Variants in LIN7A observed in about 807,000 individuals in gnomAD.
LIN7A encodes the protein protein lin-7 homolog A.
A neutral mutation model predicts 29.8 loss-of-function variants in LIN7A; 25 were observed. The ratio of observed to expected loss-of-function variants is 0.84; its 90% CI spans 0.61 to 1.17. LIN7A has a LOEUF of 1.17. LIN7A is among the 50% of genes most tolerant of loss of function. The pLI is 0.00. For missense variants in LIN7A, 239 were observed against 287.0 expected (o/e 0.83, Z 1.21); for synonymous variants, 118 against 107.5 (o/e 1.10, Z -0.60).
intron 5 of LIN7A, among the ~76,000 whole-genome samples, chr12:80,799,438 A>C (rs568361066): frequency 6.6e-6 from 1 of 152,330 alleles, no homozygotes; most frequent in South Asian, 2.1e-4. Context: ...GTTTGATTAC[A>C]TGATAAAGGG....
Position 80,794,415 on chromosome 12 carries a change from A to T in LIN7A, c.*3312T>A, listed in dbSNP as rs1281395526. 3.9e-5 allele frequency: 6 copies of T among 152,210 alleles called. No individual in the cohort carries two copies. The highest frequency in any genetic ancestry group is 8.8e-5 in the Non-Finnish European group (6 of 68,020). The allele number at this position is 152,210 out of a possible 1,614,324, so 9.4% of individuals were successfully genotyped here. ...GGTCTTATGAACAGGCTGTGTCTGT[A>T]TGATAAAAACAAACTAGTTAAAAGA... On this transcript the variant is annotated 3_prime_UTR_variant, in exon 6 of 6. Coordinates refer to ENST00000552864, the MANE Select transcript of LIN7A (RefSeq NM_004664.4).
At chr12:80,812,450 TAA>T (rs199686456) in intron 4 of LIN7A, among the ~76,000 whole-genome samples, 3 of 131,528 alleles carry the variant, frequency 2.3e-5, no homozygotes, top group East Asian at 2.3e-4. Flanking sequence ...TCAAACACTG[TAA>T]AAAAAAAAAA....
chr12:80,874,944 T>C (rs1026750618), intron 2 of LIN7A, among the ~76,000 whole-genome samples: 2 of 152,162 alleles, frequency 1.3e-5, no homozygotes, highest in African/African-American at 4.8e-5. Context: ...GAGCTTGCAG[T>C]GAGCCGAGAT....
chr12:80,927,222 C>T (rs1290792838), intron 1 of LIN7A, among the ~76,000 whole-genome samples: 2 of 121,754 alleles, frequency 1.6e-5, no homozygotes, highest in Non-Finnish European at 3.1e-5. Context: ...AGTGCAGTGG[C>T]GTGATCTCGG....
At chr12:80,876,452 T>C (rs1444593943) in intron 2 of LIN7A, among the ~76,000 whole-genome samples, 1 of 152,184 alleles carries the variant, frequency 6.6e-6, no homozygotes, top group Admixed American at 6.5e-5. Context: ...TTGAGAATTT[T>C]ATTCATGAAA....
intron 1 of LIN7A, among the ~76,000 whole-genome samples, chr12:80,890,984 G>A (rs757840224): frequency 6.6e-6 from 1 of 151,746 alleles, no homozygotes; most frequent in Non-Finnish European, 1.5e-5. Flanking sequence ...CCTAAAACTC[G>A]CTCTTCTTTT....
chr12:80,889,135 A>G (rs1270710715), intron 2 of LIN7A, 116 bp downstream of exon 2: 11 of 708,924 alleles, frequency 1.6e-5, no homozygotes, highest in Non-Finnish European at 2.8e-5. Context: ...AGCTAAAAAC[A>G]GAAAATTAAA....
intron 5 of LIN7A, among the ~76,000 whole-genome samples, chr12:80,806,856 T>C (rs1398017334): frequency 6.6e-6 from 1 of 152,206 alleles, no homozygotes; most frequent in Non-Finnish European, 1.5e-5. Context: ...GTATTTTATT[T>C]GTACCTGAAA....
intron 2 of LIN7A, among the ~76,000 whole-genome samples, chr12:80,854,627 A>G (rs1212747449): frequency 1.3e-5 from 2 of 152,000 alleles, no homozygotes; most frequent in African/African-American, 4.8e-5. Flanking sequence ...ACCAAGTATG[A>G]TGAAATTTTT....
chr12:80,866,298 T>C (rs911057985), intron 2 of LIN7A, among the ~76,000 whole-genome samples: 1 of 152,330 alleles, frequency 6.6e-6, no homozygotes, highest in East Asian at 1.9e-4. Flanking sequence ...CTTGATTACA[T>C]TTGAATATGG....
intron 4 of LIN7A, among the ~76,000 whole-genome samples, chr12:80,826,161 T>C (rs1473836697): frequency 6.6e-6 from 1 of 152,240 alleles, no homozygotes; most frequent in Non-Finnish European, 1.5e-5. Flanking sequence ...TCTCTGTAGC[T>C]GTGCATATAA....
At chr12:80,926,710 A>G (rs1877600154) in intron 1 of LIN7A, among the ~76,000 whole-genome samples, 1 of 152,212 alleles carries the variant, frequency 6.6e-6, no homozygotes, top group East Asian at 1.9e-4. Flanking sequence ...CAGGTGGATC[A>G]TGAGGTCAGG....
chr12:80,846,273 C>CT (rs1365229400), intron 3 of LIN7A, among the ~76,000 whole-genome samples: 2 of 152,162 alleles, frequency 1.3e-5, no homozygotes, highest in African/African-American at 2.4e-5. Flanking sequence ...TATGTACTAT[C>CT]TACTATTATA....
chr12:80,906,256 TCTGAGA>T (rs1240795945), intron 1 of LIN7A, among the ~76,000 whole-genome samples: 2 of 152,176 alleles, frequency 1.3e-5, no homozygotes, highest in Non-Finnish European at 2.9e-5. Context: ...TTGAAAAGTG[TCTGAGA>T]ATATTGCTAT....
At chr12:80,909,149 G>A (rs570719224) in intron 1 of LIN7A, among the ~76,000 whole-genome samples, 61 of 152,116 alleles carry the variant, frequency 4.0e-4, no homozygotes, top group African/African-American at 1.4e-3. Flanking sequence ...TTTGATTATA[G>A]TGTAAAGGAT....
At chr12:80,834,302 T>C (rs554599830) in intron 4 of LIN7A, among the ~76,000 whole-genome samples, 2 of 152,206 alleles carry the variant, frequency 1.3e-5, no homozygotes, top group Non-Finnish European at 2.9e-5. Context: ...AGTCTTATGC[T>C]TTGGTTCTTA....
intron 2 of LIN7A, among the ~76,000 whole-genome samples, chr12:80,862,955 C>T (rs767165212): frequency 6.6e-6 from 1 of 152,240 alleles, no homozygotes; most frequent in African/African-American, 2.4e-5. Context: ...CCAGACTATA[C>T]TCTTCACAGA....
At chr12:80,871,296 A>G (rs1592912467) in intron 2 of LIN7A, among the ~76,000 whole-genome samples, 1 of 152,318 alleles carries the variant, frequency 6.6e-6, no homozygotes, top group East Asian at 1.9e-4. Context: ...CTTGGAGTTA[A>G]CACACAACAT....
At chr12:80,910,420 T>C (rs1405215564) in intron 1 of LIN7A, among the ~76,000 whole-genome samples, 1 of 152,186 alleles carries the variant, frequency 6.6e-6, no homozygotes, top group African/African-American at 2.4e-5. Flanking sequence ...AAATGCTAAG[T>C]AGAAGTGATG....
Sources: gnomAD v4.1 joint callset for allele counts (sites outside exome capture counted in the v4.1 genomes callset) on GRCh38, gnomAD v4.1.1 for gene constraint, MANE v1.5 for transcripts, NCBI Gene and HGNC (gene_info 2026-07-23, HGNC 2026-07-21) for gene names.